The following SCN8A variants were observed in gnomAD, a reference collection of about 807,000 sequenced individuals.
SCN8A encodes sodium channel protein type 8 subunit alpha.
Under a neutral mutation model 184.1 loss-of-function variants are expected in SCN8A, and 30 were observed. That is an observed-to-expected ratio of 0.16 (90% CI 0.12 to 0.22). The LOEUF is 0.22. Among genes scored for constraint, SCN8A ranks in the 10% least tolerant of loss-of-function variants. The pLI is 1.00. For missense variants in SCN8A, 1,057 were observed against 2,498.9 expected, an observed-to-expected ratio of 0.42 and a Z score of 12.30; for synonymous variants, 852 against 907.0, an observed-to-expected ratio of 0.94 and a Z score of 1.09.
intron 2 of SCN8A, among the ~76,000 whole-genome samples, chr12:51,677,815 G>A (rs1592373320): frequency 6.6e-6 from 1 of 152,174 alleles, no homozygotes; most frequent in East Asian, 1.9e-4. Flanking sequence ...ACATTCAGTG[G>A]CTGTTGTTGT....
At position 51,699,710 on chromosome 12, in the gene SCN8A, G is replaced by A. The variant is rs775342033; in HGVS notation, c.847G>A (p.Val283Met). ...FMGNLRNKCV[V>M]WPINFNESYL... ...GGGGAACCTTCGAAACAAGTGTGTT[G>A]TGTGGCCCATAAACTTCAACGAGAG... The change falls in exon 7 of 27, where the codon GTG (valine) becomes ATG (methionine). Residue 283 changes from valine to methionine, a missense_variant. By Grantham distance (21) the Val-to-Met change is conservative (BLOSUM62 1). This residue lies in a region of SCN8A where 26 missense variants were observed against 44.4 expected (regional missense o/e 0.59). Coordinates refer to ENST00000627620, the MANE Select transcript of SCN8A (RefSeq NM_001330260.2). 1.2e-6 allele frequency: 2 copies of A among 1,613,956 alleles called. No individual in the cohort carries two copies. The highest frequency in any genetic ancestry group is 1.7e-6 in the Non-Finnish European group (2 of 1,179,890).
intron 1 of SCN8A, among the ~76,000 whole-genome samples, chr12:51,604,480 T>G (rs1276063989): frequency 6.6e-6 from 1 of 151,024 alleles, no homozygotes. Context: ...CAGGTTTTTT[T>G]GTTTGTTTGT....
At chr12:51,787,343 T>G (rs1167236858) in intron 22 of SCN8A, among the ~76,000 whole-genome samples, 1 of 152,184 alleles carries the variant, frequency 6.6e-6, no homozygotes. Context: ...GATTTAACTA[T>G]CTAGATAATT....
At chr12:51,655,370 TC>T (rs1419320072) in intron 1 of SCN8A, among the ~76,000 whole-genome samples, 1 of 63,536 alleles carries the variant, frequency 1.6e-5, no homozygotes, top group Non-Finnish European at 5.1e-5. Context: ...CATTTTAAGG[TC>T]TTTTTTTTTT....
intron 1 of SCN8A, among the ~76,000 whole-genome samples, chr12:51,602,763 AAT>A (rs1251804057): frequency 2.0e-5 from 3 of 152,176 alleles, no homozygotes; most frequent in Non-Finnish European, 4.4e-5. Context: ...GCTTTGGGCC[AAT>A]ACACAGTTCC....
At chr12:51,770,821 T>A in intron 19 of SCN8A, 138 bp downstream of exon 19, 1 of 808,892 alleles carries the variant, frequency 1.2e-6, no homozygotes, top group Non-Finnish European at 2.0e-6. Context: ...TCTGTTAAAG[T>A]GCTTTAGGCT....
chr12:51,629,604 A>C (rs1427256385), intron 1 of SCN8A, among the ~76,000 whole-genome samples: 1 of 150,106 alleles, frequency 6.7e-6, no homozygotes, highest in Non-Finnish European at 1.5e-5. Context: ...AAAAAAAAAA[A>C]AGTGAAAATG....
chr12:51,714,137 G>C (rs981254910), intron 11 of SCN8A, among the ~76,000 whole-genome samples: 61 of 152,264 alleles, frequency 4.0e-4, no homozygotes, highest in Non-Finnish European at 7.6e-4. Context: ...CAGATATGTA[G>C]TGGAAAAGGG....
chr12:51,678,013 A>G (rs1383255226), intron 2 of SCN8A, among the ~76,000 whole-genome samples: 4 of 152,218 alleles, frequency 2.6e-5, no homozygotes, highest in Admixed American at 1.3e-4. Flanking sequence ...CACTATATCT[A>G]GGCTTTGAAG....
In SCN8A at chr12:51,721,731, C is replaced by G. The variant is rs1329004407; in HGVS notation, c.1821C>G (p.Ala607=). Reference sequence around the variant, plus strand: ...ACTCCCTCTTCATCCCCATCCGGGCCCGCGAGCGCCGGAGCAGCTACAGCG... The same window carrying G: ...ACTCCCTCTTCATCCCCATCCGGGCGCGCGAGCGCCGGAGCAGCTACAGCG... The part of the protein sequence containing the change: ...RRDSLFIPIR[A]RERRSSYSGY... The change falls in exon 12 of 27, where the codon GCC becomes GCG. Residue 607 remains alanine (A), a synonymous_variant. Coordinates refer to ENST00000627620, the MANE Select transcript of SCN8A (RefSeq NM_001330260.2). 1.3e-6 allele frequency: 2 copies of G among 1,598,482 alleles called. No homozygotes were observed. The highest frequency in any genetic ancestry group is 2.7e-5 in the African/African-American group (2 of 74,620).
At chr12:51,689,131 C>A in intron 6 of SCN8A, 35 bp downstream of exon 6, 1 of 1,460,462 alleles carries the variant, frequency 6.8e-7, no homozygotes. Context: ...GACTTTGCCA[C>A]ATCTCCTCTT....
intron 26 of SCN8A, among the ~76,000 whole-genome samples, chr12:51,805,651 G>A (rs1230059266): frequency 6.6e-6 from 1 of 151,896 alleles, no homozygotes. Context: ...CAGTTACTCA[G>A]GAGGTCTGAG....
chr12:51,702,980 C>A, intron 9 of SCN8A, 66 bp downstream of exon 9: 1 of 1,429,778 alleles, frequency 7.0e-7, no homozygotes, highest in East Asian at 2.4e-5. Flanking sequence ...TGGGGACCTT[C>A]TGTGTGAGAG....
intron 26 of SCN8A, among the ~76,000 whole-genome samples, chr12:51,798,322 C>T (rs892338679): frequency 1.3e-5 from 2 of 152,174 alleles, no homozygotes; most frequent in African/African-American, 2.4e-5. Context: ...TAATGCATTC[C>T]GTGAGTCCAC....
In SCN8A at chr12:51,807,863, TTAAGC is replaced by T; in HGVS notation, c.*440_*444del. The T allele has an allele frequency of 4.9e-6, 1 of 204,402 alleles. No homozygotes were observed. The highest frequency in any genetic ancestry group is 1.0e-5 in the Non-Finnish European group (1 of 99,808). The allele number at this position is 204,402 out of a possible 1,614,324, so 12.7% of individuals were successfully genotyped here. A position where few individuals can be genotyped will look rare whatever the true frequency, so the allele number is the denominator to read the frequency against. On this transcript the variant is annotated 3_prime_UTR_variant, in exon 27 of 27. Coordinates refer to ENST00000627620, the MANE Select transcript of SCN8A (RefSeq NM_001330260.2). The surrounding 1 kb of genome is among the most constrained non-coding windows in gnomAD (Gnocchi z 4.5). Reference sequence around the variant, plus strand: ...AACTATATTTGCATTCTTACATTAGTTAAGCTAAGCAGCAAAAAGAAAACACACAC... The same window carrying T: ...AACTATATTTGCATTCTTACATTAGTTAAGCAGCAAAAAGAAAACACACAC...
chr12:51,717,122 C>T (rs1212666004), intron 11 of SCN8A, among the ~76,000 whole-genome samples: 2 of 152,184 alleles, frequency 1.3e-5, no homozygotes, highest in Non-Finnish European at 2.9e-5. Context: ...TATATTTCCC[C>T]GTATGGCCCT....
intron 26 of SCN8A, among the ~76,000 whole-genome samples, chr12:51,798,597 G>A (rs1052542337): frequency 6.6e-6 from 1 of 152,200 alleles, no homozygotes; most frequent in African/African-American, 2.4e-5. Flanking sequence ...CCATGTTGGT[G>A]AGCCCATGCG....
intron 1 of SCN8A, among the ~76,000 whole-genome samples, chr12:51,658,221 A>G (rs1940860228): frequency 6.6e-6 from 1 of 152,064 alleles, no homozygotes; most frequent in Non-Finnish European, 1.5e-5. Flanking sequence ...GGTTATTTTC[A>G]CAATATTAAT....
At chr12:51,638,706 C>T (rs567019444) in intron 1 of SCN8A, among the ~76,000 whole-genome samples, 9 of 151,976 alleles carry the variant, frequency 5.9e-5, no homozygotes, top group East Asian at 3.9e-4. Flanking sequence ...AGGATGGTCT[C>T]GATCTCTTGA....
Sources: gnomAD v4.1 joint callset for allele counts (sites outside exome capture counted in the v4.1 genomes callset) on GRCh38, gnomAD v4.1.1 for gene constraint, gnomAD v4.1.1 regional missense constraint, Gnocchi (gnomAD v3.1) non-coding constraint, MANE v1.5 for transcripts, NCBI Gene and HGNC (gene_info 2026-07-23, HGNC 2026-07-21) for gene names.